CTNNA3: variants seen among roughly 807,000 people sequenced by gnomAD.
The protein encoded by CTNNA3 is catenin alpha-3.
CTNNA3 carries 76 observed loss-of-function variants against 95.7 expected under a neutral mutation model. The ratio of observed to expected loss-of-function variants is 0.79; its 90% confidence interval spans 0.66 to 0.96. The LOEUF (loss-of-function observed/expected upper bound fraction) is 0.96, where lower values mean the gene tolerates loss of function less well. Among genes scored for constraint, CTNNA3 ranks in the 40% least tolerant of loss-of-function variants. CTNNA3 has a pLI of 0.00. For synonymous variants in CTNNA3, 431 were observed against 374.4 expected (o/e 1.15, Z -1.74); for missense variants, 1,191 against 1,089.8 (o/e 1.09, Z -1.31).
chr10:67,037,524 T>C (rs1854137035), intron 7 of CTNNA3, among the ~76,000 whole-genome samples: 1 of 152,184 alleles, frequency 6.6e-6, no homozygotes, highest in Non-Finnish European at 1.5e-5. Flanking sequence ...GGAGTGATCA[T>C]CATATCTGCA....
intron 3 of CTNNA3, among the ~76,000 whole-genome samples, chr10:67,563,816 T>A (rs1237282089): frequency 1.3e-5 from 2 of 150,058 alleles, no homozygotes; most frequent in African/African-American, 2.5e-5. Flanking sequence ...AACAACCCCA[T>A]CAAAAAATGG....
At chr10:67,083,157 C>A (rs1250589262) in intron 7 of CTNNA3, among the ~76,000 whole-genome samples, 1 of 151,922 alleles carries the variant, frequency 6.6e-6, no homozygotes, top group Non-Finnish European at 1.5e-5. Flanking sequence ...ATCCATAGGT[C>A]TACCTAATTT....
chr10:67,340,114 T>C (rs1842129412), intron 5 of CTNNA3, among the ~76,000 whole-genome samples: 2 of 152,308 alleles, frequency 1.3e-5, no homozygotes, highest in South Asian at 4.1e-4. Context: ...GTATGAGATA[T>C]AGAAAAGAAT....
chr10:66,988,646 T>C (rs1850864918), intron 7 of CTNNA3, among the ~76,000 whole-genome samples: 1 of 152,150 alleles, frequency 6.6e-6, no homozygotes. Context: ...GTGCTTCTGA[T>C]TGCCAAAACC....
intron 1 of CTNNA3, among the ~76,000 whole-genome samples, chr10:67,731,975 T>A (rs530723042): frequency 4.6e-5 from 7 of 151,976 alleles, no homozygotes; most frequent in African/African-American, 1.7e-4. Flanking sequence ...AGAGACGGGG[T>A]TTCAGTGTGT....
At chr10:66,343,482 T>G (rs10997070) in intron 12 of CTNNA3, among the ~76,000 whole-genome samples, 20,863 of 151,758 alleles carry the variant, frequency 0.14, 1,655 homozygotes, top group East Asian at 0.24. Context: ...GAACAAAAAG[T>G]TAAACACCAC....
chr10:67,506,712 G>T (rs1380108064), intron 5 of CTNNA3, among the ~76,000 whole-genome samples: 1 of 152,176 alleles, frequency 6.6e-6, no homozygotes, highest in African/African-American at 2.4e-5. Context: ...GCCTGACAAG[G>T]ACACCGTAAC....
At chr10:67,131,974 T>A (rs1199729909) in intron 7 of CTNNA3, among the ~76,000 whole-genome samples, 2 of 152,014 alleles carry the variant, frequency 1.3e-5, no homozygotes, top group African/African-American at 4.8e-5. Flanking sequence ...GAATGGAAAC[T>A]GTGAAGGCCA....
intron 5 of CTNNA3, among the ~76,000 whole-genome samples, chr10:67,413,523 A>G (rs892222606): frequency 6.6e-6 from 1 of 152,144 alleles, no homozygotes; most frequent in Non-Finnish European, 1.5e-5. Flanking sequence ...TACTGACAAC[A>G]TTAGATCATC....
intron 7 of CTNNA3, among the ~76,000 whole-genome samples, chr10:66,782,924 T>C (rs1293505578): frequency 6.6e-6 from 1 of 152,152 alleles, no homozygotes; most frequent in African/African-American, 2.4e-5. Flanking sequence ...GTTTCTAAAA[T>C]AAGCTCTCTG....
At chr10:67,029,856 C>A (rs2133105296) in intron 7 of CTNNA3, among the ~76,000 whole-genome samples, 1 of 152,244 alleles carries the variant, frequency 6.6e-6, no homozygotes, top group African/African-American at 2.4e-5. Flanking sequence ...ACACTAAAAA[C>A]CATTCTAAAT....
In CTNNA3 at chr10:65,949,166, T is replaced by C. The variant is rs79153950; in HGVS notation, c.2400+17446A>G. On this transcript the variant is annotated intron_variant, in intron 17 of 17. Transcript: ENST00000433211. ...AACAAAGACCTTGCTTATTCATCTCTGCGGTGTTGTTTCAGAGCAGGCAAA... is the reference window on the plus strand; with the variant it reads ...AACAAAGACCTTGCTTATTCATCTCCGCGGTGTTGTTTCAGAGCAGGCAAA... 4.7e-3 allele frequency among the ~76,000 whole-genome samples: 711 copies of C among 152,310 alleles called. 8 individuals are homozygous for C. The highest frequency in any genetic ancestry group is 0.025 in the East Asian group (127 of 5,180).
chr10:66,580,672 A>G (rs1843155206), intron 10 of CTNNA3, among the ~76,000 whole-genome samples: 1 of 151,804 alleles, frequency 6.6e-6, no homozygotes, highest in South Asian at 2.1e-4. Flanking sequence ...ACTATGGATC[A>G]TATTTAAAAT....
intron 10 of CTNNA3, among the ~76,000 whole-genome samples, chr10:66,541,512 T>C (rs1841850272): frequency 6.6e-6 from 1 of 152,174 alleles, no homozygotes; most frequent in African/African-American, 2.4e-5. Flanking sequence ...CTATATTGAA[T>C]GCATTTCTCA....
At chr10:66,541,735 A>G (rs1168480056) in intron 10 of CTNNA3, among the ~76,000 whole-genome samples, 1 of 152,118 alleles carries the variant, frequency 6.6e-6, no homozygotes, top group Non-Finnish European at 1.5e-5. Flanking sequence ...CACTTACCCC[A>G]AGAGAGAAGT....
chr10:66,387,297 C>A (rs1448870880), intron 11 of CTNNA3, among the ~76,000 whole-genome samples: 1 of 152,090 alleles, frequency 6.6e-6, no homozygotes, highest in East Asian at 1.9e-4. Flanking sequence ...TATGAACAGA[C>A]ACTTCTCAAA....
intron 9 of CTNNA3, among the ~76,000 whole-genome samples, chr10:66,703,405 A>G (rs1227632437): frequency 3.3e-5 from 5 of 152,300 alleles, no homozygotes; most frequent in East Asian, 3.9e-4. Context: ...TGAATTAATG[A>G]AGTCACATTT....
intron 7 of CTNNA3, among the ~76,000 whole-genome samples, chr10:66,851,387 G>GT (rs1056102244): frequency 3.8e-4 from 58 of 152,132 alleles, no homozygotes; most frequent in Admixed American, 1.2e-3. Flanking sequence ...GAAAAACGCT[G>GT]TTTTTTAAAA....
chr10:67,259,665 C>T (rs749231238), intron 5 of CTNNA3, among the ~76,000 whole-genome samples: 5 of 152,114 alleles, frequency 3.3e-5, no homozygotes, highest in African/African-American at 9.7e-5. Context: ...ACTATTTTTG[C>T]GCCACTTTAT....
Sources: gnomAD v4.1 joint callset for allele counts (sites outside exome capture counted in the v4.1 genomes callset) on GRCh38, gnomAD v4.1.1 for gene constraint, MANE v1.5 for transcripts, NCBI Gene and HGNC (gene_info 2026-07-23, HGNC 2026-07-21) for gene names.